MYCBP2: variants seen among roughly 807,000 people sequenced by gnomAD.
MYCBP2 encodes E3 ubiquitin-protein ligase MYCBP2.
MYCBP2 carries 120 observed loss-of-function variants against 525.3 expected under a neutral mutation model. That is an observed-to-expected ratio of 0.23 (90% CI 0.20 to 0.27). The LOEUF (loss-of-function observed/expected upper bound fraction) is 0.27, where lower values mean the gene tolerates loss of function less well. MYCBP2 is among the 10% of genes least tolerant of loss of function. MYCBP2 has a pLI of 1.00. For synonymous variants in MYCBP2, 1,894 were observed against 1,955.8 expected, an observed-to-expected ratio of 0.97 and a Z score of 0.83; for missense variants, 4,149 against 5,657.1, an observed-to-expected ratio of 0.73 and a Z score of 8.55.
At chr13:77,294,143 CATATATATAAAATATAT>C (rs2077914852) in intron 2 of MYCBP2, among the ~76,000 whole-genome samples, 1 of 39,714 alleles carries the variant, frequency 2.5e-5, no homozygotes, top group Non-Finnish European at 8.0e-5. Flanking sequence ...TATATATATA[CATATATATAAAATATAT>C]ATAAAGTAGA....
chr13:77,067,533 T>C, intron 71 of MYCBP2, 48 bp downstream of exon 71: 1 of 1,569,684 alleles, frequency 6.4e-7, no homozygotes, highest in Non-Finnish European at 8.7e-7. Flanking sequence ...TTCTGAACAG[T>C]AGCTCACTCT....
At chr13:77,284,773 G>T (rs1010028601) in intron 3 of MYCBP2, among the ~76,000 whole-genome samples, 1 of 152,066 alleles carries the variant, frequency 6.6e-6, no homozygotes, top group Non-Finnish European at 1.5e-5. Context: ...TTTCTGCCAG[G>T]TACTGTTCTC....
At chr13:77,232,119 G>A (rs983826511) in intron 18 of MYCBP2, among the ~76,000 whole-genome samples, 3 of 151,952 alleles carry the variant, frequency 2.0e-5, no homozygotes, top group African/African-American at 7.2e-5. Context: ...GTTTTGAGTG[G>A]CAAACTGACA....
chr13:77,204,959 T>C (rs2063144512), intron 26 of MYCBP2, among the ~76,000 whole-genome samples: 1 of 150,164 alleles, frequency 6.7e-6, no homozygotes, highest in Non-Finnish European at 1.5e-5. Context: ...GATGACAAGT[T>C]CGTGGGTGCA....
chr13:77,226,445 T>C (rs2066278052), intron 18 of MYCBP2, among the ~76,000 whole-genome samples: 1 of 152,192 alleles, frequency 6.6e-6, no homozygotes, highest in Admixed American at 6.5e-5. Flanking sequence ...CACTAACATA[T>C]GACCTTTATA....
chr13:77,060,248 T>C (rs2039022207), intron 76 of MYCBP2, among the ~76,000 whole-genome samples: 1 of 152,218 alleles, frequency 6.6e-6, no homozygotes, highest in Non-Finnish European at 1.5e-5. Context: ...AATCTAACTA[T>C]AATTAATATC....
intron 14 of MYCBP2, among the ~76,000 whole-genome samples, chr13:77,256,548 C>T (rs575059989): frequency 2.3e-4 from 35 of 151,994 alleles, no homozygotes; most frequent in African/African-American, 7.7e-4. Context: ...CCACTCAAAT[C>T]CAATTAAAAA....
At chr13:77,073,517 A>G (rs2041740108) in intron 68 of MYCBP2, among the ~76,000 whole-genome samples, 1 of 152,186 alleles carries the variant, frequency 6.6e-6, no homozygotes, top group South Asian at 2.1e-4. Context: ...TCTATTCAGC[A>G]TGGCGCTTAA....
At position 77,168,459 on chromosome 13, in the gene MYCBP2, G is replaced by A; in HGVS notation, c.6083C>T (p.Pro2028Leu). 6.2e-6 allele frequency: 10 copies of A among 1,613,986 alleles called. No individual in the cohort carries two copies. Among genetic ancestry groups the A allele is most frequent in the Admixed American group, 1.7e-5 (1 of 59,998 alleles). Residue 2028 changes from proline to leucine, a missense_variant, in exon 40 of 83, where the codon CCG (proline) becomes CTG (leucine). This residue lies in a region of MYCBP2 where 692 missense variants were observed against 852.7 expected (regional missense o/e 0.81). Coordinates refer to ENST00000544440, the MANE Select transcript of MYCBP2 (RefSeq NM_015057.5). ...ATGCATCACACAGGCAGGTTTATAC[G>A]GGTGCTCACTCTCTATGACAGCATA... ...SHYAVIESEH[P>L]YKPACVMHYK... is the part of the protein sequence containing the mutation.
chr13:77,175,759 G>C (rs1422772319), intron 36 of MYCBP2, among the ~76,000 whole-genome samples: 1 of 151,952 alleles, frequency 6.6e-6, no homozygotes, highest in Admixed American at 6.6e-5. Flanking sequence ...GCAGGAGTTC[G>C]AGACCAGCCT....
Position 77,257,700 on chromosome 13 carries a change from T to C in MYCBP2, c.2147A>G (p.Asp716Gly). Residue 716 changes from aspartate (D) to glycine (G), a missense_variant, in exon 14 of 83, where the codon GAT (aspartate) becomes GGT (glycine). By Grantham distance (94) the Asp-to-Gly change is moderately conservative (BLOSUM62 -1). Transcript: ENST00000544440. ...CCCACCTTGGTTCATGGCACCAGTA[T>C]CTCGTCCACACTGTCCTTTATTATT... ...GVNNKGQCGR[D>G]TGAMNQGGKG... 6.3e-7 allele frequency: 1 copy of C among 1,597,012 alleles called. No homozygotes were observed. The highest frequency in any genetic ancestry group is 8.5e-7 in the Non-Finnish European group (1 of 1,174,762).
intron 1 of MYCBP2, among the ~76,000 whole-genome samples, chr13:77,302,512 G>A (rs956390061): frequency 6.6e-6 from 1 of 152,026 alleles, no homozygotes; most frequent in South Asian, 2.1e-4. Context: ...ATCCATGAAA[G>A]CTGATATAAT....
In MYCBP2 at chr13:77,212,248, A is replaced by G. The variant is rs146551145; in HGVS notation, c.3058-88T>C. 7 of 1,170,774 alleles carry G rather than the reference A, an allele frequency of 6.0e-6. No individual in the cohort carries two copies. The African/African-American group carries it at 9.3e-5, about 16-fold the overall frequency. The allele number at this position is 1,170,774 out of a possible 1,614,324, so 72.5% of individuals were successfully genotyped here. On this transcript the variant is annotated intron_variant, in intron 21 of 82. Coordinates refer to ENST00000544440, the MANE Select transcript of MYCBP2 (RefSeq NM_015057.5). ...TTAAGGAGGCAGTAGATAAAAATCA[A>G]TCTATGAAACCTTATTTTTCACCAA...
intron 19 of MYCBP2, among the ~76,000 whole-genome samples, chr13:77,225,077 T>A (rs1178459458): frequency 6.6e-6 from 1 of 152,238 alleles, no homozygotes. Context: ...AGTAAATTTG[T>A]TGACATACAT....
rs1053469003 is a variant in MYCBP2, at chr13:77,195,435, A to G, written c.3844-1191T>C. Among the ~76,000 whole-genome samples the G allele has an allele frequency of 7.9e-4, 120 of 152,134 alleles. 1 individual carries two copies. The highest frequency in any genetic ancestry group is 2.1e-4 in the Non-Finnish European group (14 of 68,024). ...AACATGGTGAAACCCCGTCTCTACT[A>G]AAAATACAAAAATTAGCTGGGCGTG... is the stretch of plus-strand genomic sequence containing the variant. On this transcript the variant is annotated intron_variant, in intron 26 of 82. Coordinates refer to ENST00000544440, the MANE Select transcript of MYCBP2 (RefSeq NM_015057.5).
intron 15 of MYCBP2, among the ~76,000 whole-genome samples, chr13:77,250,115 T>C (rs997791774): frequency 1.3e-5 from 2 of 149,662 alleles, no homozygotes; most frequent in Admixed American, 1.3e-4. Context: ...CCCAGCTACT[T>C]GGGAGGTCGA....
chr13:77,196,800 C>T (rs750190664), intron 26 of MYCBP2, among the ~76,000 whole-genome samples: 3 of 152,036 alleles, frequency 2.0e-5, no homozygotes, highest in Admixed American at 1.3e-4. Flanking sequence ...GGAGACACAG[C>T]GTAGGCTGTT....
intron 15 of MYCBP2, among the ~76,000 whole-genome samples, chr13:77,244,389 T>C (rs1469449188): frequency 2.0e-5 from 3 of 152,192 alleles, no homozygotes. Context: ...AGCCTAAGCT[T>C]GCCAGCTTCA....
intron 52 of MYCBP2, among the ~76,000 whole-genome samples, chr13:77,131,933 T>C (rs1242241964): frequency 6.6e-6 from 1 of 152,140 alleles, no homozygotes; most frequent in Non-Finnish European, 1.5e-5. Flanking sequence ...CCATGCCAAA[T>C]GCTCATGCAA....
Sources: gnomAD v4.1 joint callset for allele counts (sites outside exome capture counted in the v4.1 genomes callset) on GRCh38, gnomAD v4.1.1 for gene constraint, gnomAD v4.1.1 regional missense constraint, MANE v1.5 for transcripts, NCBI Gene and HGNC (gene_info 2026-07-23, HGNC 2026-07-21) for gene names.